APLP2: variants seen among roughly 807,000 people sequenced by gnomAD.
APLP2 encodes CDEI box-binding protein.
APLP2 carries 53 observed loss-of-function variants against 89.9 expected under a neutral mutation model. The observed-to-expected ratio is 0.59, with a 90% CI of 0.47 to 0.74. APLP2 has a LOEUF of 0.74. APLP2 is among the 30% of genes least tolerant of loss of function. APLP2 has a pLI of 0.00. For synonymous variants in APLP2, 372 were observed against 348.6 expected (o/e 1.07, Z -0.75); for missense variants, 973 against 975.9 (o/e 1.00, Z 0.04).
At position 130,143,425 on chromosome 11, in the gene APLP2, T is replaced by C. The variant is rs754985453; in HGVS notation, c.2233T>C (p.Tyr745His). ...TGGCTATGAGAACCCCACCTACAAA[T>C]ACCTGGAGCAGATGCAGATTTAGGT... ...NHGYENPTYK[Y>H]LEQMQI The change falls in exon 17 of 17, where the codon TAC (tyrosine) becomes CAC (histidine). Residue 745 changes from tyrosine to histidine, a missense_variant. Tyr to His is a moderately conservative substitution (Grantham distance 83). Transcript: ENST00000338167. 1.9e-6 allele frequency: 3 copies of C among 1,613,666 alleles called. No homozygotes were observed. In the East Asian group the frequency reaches 6.7e-5, roughly 36 times the overall value.
chr11:130,128,880 AATGAAGGTAGG>A (rs1803944619), intron 9 of APLP2, among the ~76,000 whole-genome samples, 157 bp from the exon 10 acceptor site: 1 of 152,184 alleles, frequency 6.6e-6, no homozygotes, highest in Non-Finnish European at 1.5e-5. Flanking sequence ...ATAGAAGTAG[AATGAAGGTAGG>A]ATGAAGTAGA....
At chr11:130,131,964 A>G (rs1250003341) in intron 11 of APLP2, among the ~76,000 whole-genome samples, 1 of 152,206 alleles carries the variant, frequency 6.6e-6, no homozygotes, top group Admixed American at 6.5e-5. Context: ...TCTAAACACC[A>G]GAAAAATTTG....
rs140505383 is a variant in APLP2 at position 130,130,075 on chromosome 11, G to A, written c.1493G>A (p.Arg498His). The A allele has an allele frequency of 3.0e-4, 489 of 1,614,152 alleles. No homozygotes were observed. In the African/African-American group the frequency reaches 3.9e-3, roughly 13 times the overall value. Residue 498 changes from arginine (R) to histidine (H), a missense_variant, in exon 11 of 17, where the codon CGT becomes CAT. Physicochemically the swap from Arg to His is conservative, Grantham distance 29 (BLOSUM62 0). Transcript: ENST00000338167. ...RILQALRRYV[R>H]AENKDRLHTI... ...CTCCAGGCCTTACGGCGTTATGTCC[G>A]TGCTGAGAACAAAGATCGCTTACAT...
intron 1 of APLP2, among the ~76,000 whole-genome samples, chr11:130,093,910 A>AT (rs1048699719): frequency 1.7e-4 from 26 of 151,574 alleles, no homozygotes; most frequent in East Asian, 1.5e-3. Context: ...CGTCTGGCTA[A>AT]TTTTTTTTGT....
chr11:130,132,641 C>T (rs1951064346), intron 11 of APLP2, among the ~76,000 whole-genome samples: 1 of 147,518 alleles, frequency 6.8e-6, no homozygotes, highest in African/African-American at 2.5e-5. Context: ...AACCTTAGAA[C>T]TTTTGCATTC....
In APLP2 at chr11:130,142,200, C is replaced by T. The variant is rs1436872661; in HGVS notation, c.2154+126C>T. Reference sequence around the variant, plus strand: ...CATGCTGCTGTTATCAGTTCAGTTACTCACTGGATTCCTAGGTCGTGTTTT... The same window carrying T: ...CATGCTGCTGTTATCAGTTCAGTTATTCACTGGATTCCTAGGTCGTGTTTT... On this transcript the variant is annotated intron_variant, in intron 16 of 16. Transcript: ENST00000338167. The T allele has an allele frequency of 3.7e-6, 4 of 1,090,104 alleles. 1 individual carries two copies. Among genetic ancestry groups the T allele is most frequent in the Non-Finnish European group, 4.9e-6 (4 of 814,026 alleles). 67.5% of individuals were successfully genotyped at this position (1,090,104 alleles called of 1,614,324 possible). A position where few individuals can be genotyped will look rare whatever the true frequency, so the allele number is the denominator to read the frequency against.
At chr11:130,127,019 T>C (rs762753618) in intron 8 of APLP2, among the ~76,000 whole-genome samples, 189 bp downstream of exon 8, 1 of 151,688 alleles carries the variant, frequency 6.6e-6, no homozygotes, top group Non-Finnish European at 1.5e-5. Flanking sequence ...CCAGATAATA[T>C]ATAATATAAT....
At chr11:130,135,863 A>G (rs755165803) in intron 13 of APLP2, 148 bp downstream of exon 13, 8 of 961,838 alleles carry the variant, frequency 8.3e-6, no homozygotes, top group African/African-American at 1.6e-5. Context: ...TTGAGCGCCT[A>G]CTGTGTGCAA....
Position 130,069,911 on chromosome 11 carries a change from G to T in APLP2, c.-67G>T. The T allele has an allele frequency of 2.5e-6, 3 of 1,221,410 alleles. No homozygotes were observed. The highest frequency in any genetic ancestry group is 1.3e-5 in the South Asian group (1 of 75,204). The allele number at this position is 1,221,410 out of a possible 1,614,324, so 75.7% of individuals were successfully genotyped here. ...CTGGCTTTAGATGCTTCTGGGTCGC[G>T]GTGTGCTAAGCGAGGAGTCCGAGTG... On this transcript the variant is annotated 5_prime_UTR_variant, in exon 1 of 17. Coordinates refer to ENST00000338167, the MANE Select transcript of APLP2 (RefSeq NM_001142276.2).
intron 1 of APLP2, chr11:130,101,376 C>G (rs1946901981): frequency 1.3e-5 from 2 of 151,236 alleles, no homozygotes; most frequent in African/African-American, 4.9e-5. Flanking sequence ...TTAGTAGAGA[C>G]AGGGTTTCAC....
At position 130,141,697 on chromosome 11, in the gene APLP2, T is replaced by G. The variant is rs371847463; in HGVS notation, c.1998+125T>G. 40 of 959,338 alleles carry G rather than the reference T, an allele frequency of 4.2e-5. No homozygotes were observed. The highest frequency in any genetic ancestry group is 5.6e-5 in the Non-Finnish European group (36 of 644,600). The allele number at this position is 959,338 out of a possible 1,614,324, so 59.4% of individuals were successfully genotyped here. ...CTAATAAGGGTCCCTCATCCCCAGC[T>G]TTCCGTACTTTTGGATAAGAAAGCT... On this transcript the variant is annotated intron_variant, in intron 15 of 16. Coordinates refer to ENST00000338167, the MANE Select transcript of APLP2 (RefSeq NM_001142276.2). The surrounding 1 kb of genome is among the most constrained non-coding windows in gnomAD (Gnocchi z 4.2).
intron 13 of APLP2, chr11:130,139,329 C>T (rs1456362809): frequency 2.6e-5 from 4 of 152,196 alleles, no homozygotes; most frequent in African/African-American, 7.2e-5. Flanking sequence ...CCATTACCTG[C>T]CTTTGACAAG....
chr11:130,123,851 G>A lies in APLP2; in HGVS notation c.1090+72G>A, dbSNP rs527689416. 1.9e-5 allele frequency: 29 copies of A among 1,547,342 alleles called. No individual in the cohort carries two copies. Among genetic ancestry groups the A allele is most frequent in the African/African-American group, 1.8e-4 (13 of 73,790 alleles). ...TGGCGTCCGTCTCCCTGCCGTCTTCGTGGCTGCATCTGTGTGGTGTCCCTG... is the reference window on the plus strand; with the variant it reads ...TGGCGTCCGTCTCCCTGCCGTCTTCATGGCTGCATCTGTGTGGTGTCCCTG... On this transcript the variant is annotated intron_variant, in intron 7 of 16. Coordinates refer to ENST00000338167, the MANE Select transcript of APLP2 (RefSeq NM_001142276.2). This position sits in a 1 kb window ranked among gnomAD's most constrained non-coding sequence, Gnocchi z 4.0.
intron 13 of APLP2, among the ~76,000 whole-genome samples, chr11:130,138,529 C>T (rs2136124620): frequency 6.7e-6 from 1 of 149,654 alleles, no homozygotes; most frequent in East Asian, 2.0e-4. Context: ...TGTTAAGAAA[C>T]GTGGGGGCTA....
In APLP2 at chr11:130,109,522, A is replaced by G. The variant is rs758881523; in HGVS notation, c.199A>G (p.Thr67Ala). The G allele has an allele frequency of 1.9e-6, 3 of 1,613,854 alleles. No homozygotes were observed. Among genetic ancestry groups the G allele is most frequent in the Middle Eastern group, 1.6e-4 (1 of 6,084 alleles). The change falls in exon 2 of 17, where the codon ACT becomes GCT. Residue 67 changes from threonine to alanine, a missense_variant. By Grantham distance (58) the Thr-to-Ala change is moderately conservative. Coordinates refer to ENST00000338167, the MANE Select transcript of APLP2 (RefSeq NM_001142276.2). ...GTTAAATATGCATGTGAACATTCAG[A>G]CTGGGAAATGGGAACCTGATCCAAC... Reference protein sequence around the residue: ...GKLNMHVNIQTGKWEPDPTGT... With the variant: ...GKLNMHVNIQAGKWEPDPTGT...
intron 1 of APLP2, chr11:130,101,781 C>G: frequency 3.1e-6 from 1 of 327,652 alleles, no homozygotes; most frequent in Non-Finnish European, 6.0e-6. Context: ...TGATCAAAAC[C>G]AGGAGGTTTG....
At chr11:130,087,155 T>G (rs542177918) in intron 1 of APLP2, among the ~76,000 whole-genome samples, 1 of 152,220 alleles carries the variant, frequency 6.6e-6, no homozygotes, top group Non-Finnish European at 1.5e-5. Flanking sequence ...GTTTACACTA[T>G]GGCTTTTGAG....
At position 130,127,807 on chromosome 11, in the gene APLP2, C is replaced by T; in HGVS notation, c.1263C>T (p.Asn421=). The T allele has an allele frequency of 6.2e-7, 1 of 1,614,136 alleles. No individual in the cohort carries two copies. The highest frequency in any genetic ancestry group is 8.5e-7 in the Non-Finnish European group (1 of 1,179,996). The change falls in exon 9 of 17, where the codon AAC becomes AAT. Residue 421 remains asparagine (N), a synonymous_variant. Transcript: ENST00000338167. The part of the protein sequence containing the change: ...EWEEAELQAK[N]LPKAERQTLI... ...AAGAGGCAGAGCTTCAAGCTAAGAACCTCCCCAAAGCAGAGAGGCAGACTC... is the reference window on the plus strand; with the variant it reads ...AAGAGGCAGAGCTTCAAGCTAAGAATCTCCCCAAAGCAGAGAGGCAGACTC...
intron 7 of APLP2, among the ~76,000 whole-genome samples, chr11:130,126,095 T>C (rs1337132586): frequency 1.3e-5 from 2 of 152,188 alleles, no homozygotes; most frequent in Non-Finnish European, 2.9e-5. Context: ...GTTCTGTCAC[T>C]GATGGTGGGG....
Sources: gnomAD v4.1 joint callset for allele counts (sites outside exome capture counted in the v4.1 genomes callset) on GRCh38, gnomAD v4.1.1 for gene constraint, Gnocchi (gnomAD v3.1) non-coding constraint, MANE v1.5 for transcripts, NCBI Gene and HGNC (gene_info 2026-07-23, HGNC 2026-07-21) for gene names.